The following YWHAG variants were observed in gnomAD, a reference collection of about 807,000 sequenced individuals.
YWHAG encodes 14-3-3 protein gamma.
Under a neutral mutation model 23.3 loss-of-function variants are expected in YWHAG, and 1 was observed. The ratio of observed to expected loss-of-function variants is 0.04; its 90% CI spans 0.02 to 0.20. The LOEUF is 0.20. YWHAG is among the 10% of genes least tolerant of loss of function. The pLI is 1.00. For missense variants in YWHAG, 151 were observed against 338.6 expected, an observed-to-expected ratio of 0.45 and a Z score of 4.35; for synonymous variants, 160 against 144.0, an observed-to-expected ratio of 1.11 and a Z score of -0.80.
Position 76,327,475 on chromosome 7 carries a change from T to G in YWHAG, c.*2102A>C, listed in dbSNP as rs1803461860. 1 of 152,590 alleles carries G rather than the reference T, an allele frequency of 6.6e-6. No homozygotes were observed. The allele number at this position is 152,590 out of a possible 1,614,324, so 9.5% of individuals were successfully genotyped here. A position where few individuals can be genotyped will look rare whatever the true frequency, so the allele number is the denominator to read the frequency against. On this transcript the variant is annotated 3_prime_UTR_variant, in exon 2 of 2. Coordinates refer to ENST00000307630, the MANE Select transcript of YWHAG (RefSeq NM_012479.4). Reference sequence around the variant, plus strand: ...AGCTGCTTAAATATCAAGTCTCCCATTCCCTCTCCGTTTTCAGCCCTCAGG... The same window carrying G: ...AGCTGCTTAAATATCAAGTCTCCCAGTCCCTCTCCGTTTTCAGCCCTCAGG...
chr7:76,336,912 G>A (rs1487877067), intron 1 of YWHAG, among the ~76,000 whole-genome samples: 2 of 152,288 alleles, frequency 1.3e-5, no homozygotes, highest in African/African-American at 2.4e-5. Flanking sequence ...GAAACAGAAA[G>A]AATGAGATGA....
chr7:76,344,130 A>G (rs967036589), intron 1 of YWHAG, among the ~76,000 whole-genome samples: 3 of 151,636 alleles, frequency 2.0e-5, no homozygotes, highest in African/African-American at 7.3e-5. Context: ...TTTTTTTTTG[A>G]GACAGAGTCT....
In YWHAG at chr7:76,340,149, C is replaced by T. The variant is rs148050663; in HGVS notation, c.88-9916G>A. ...ACAAAAAACAAACAAAAAGGTTACA[C>T]ATGGGATTTGATTGTGCCCCTAACT... On this transcript the variant is annotated intron_variant, in intron 1 of 1. Transcript: ENST00000307630. Among the ~76,000 whole-genome samples the T allele has an allele frequency of 8.5e-5, 13 of 152,270 alleles. No homozygotes were observed. In the South Asian group the frequency reaches 1.9e-3, roughly 22 times the overall value.
chr7:76,327,668 G>GGC lies in YWHAG; in HGVS notation c.*1908_*1909insGC, dbSNP rs1803465694. On this transcript the variant is annotated 3_prime_UTR_variant, in exon 2 of 2. Transcript: ENST00000307630. The stretch of plus-strand genomic sequence containing the variant: ...AATTAGGGAAAGCCCCACCTACCCT[G>GGC]CCCCCCCCCCCCTCCCCCCCCAAAT... 1 of 47,086 alleles carries GGC rather than the reference G, an allele frequency of 2.1e-5. No individual in the cohort carries two copies. Among genetic ancestry groups the GGC allele is most frequent in the Non-Finnish European group, 3.7e-5 (1 of 27,254 alleles). The allele number at this position is 47,086 out of a possible 1,614,324, so 2.9% of individuals were successfully genotyped here.
intron 1 of YWHAG, among the ~76,000 whole-genome samples, chr7:76,349,792 G>A (rs150804532): frequency 0.027 from 4,120 of 152,212 alleles, 199 homozygotes; most frequent in African/African-American, 0.093. Flanking sequence ...TCAGGAGTTC[G>A]AGATCAGCCT....
At chr7:76,338,895 G>T (rs1312272090) in intron 1 of YWHAG, among the ~76,000 whole-genome samples, 1 of 152,162 alleles carries the variant, frequency 6.6e-6, no homozygotes, top group East Asian at 1.9e-4. Flanking sequence ...GCATTCACAC[G>T]ACATTTCTAG....
intron 1 of YWHAG, among the ~76,000 whole-genome samples, chr7:76,352,088 G>A (rs1006521251): frequency 1.3e-5 from 2 of 152,184 alleles, no homozygotes; most frequent in Non-Finnish European, 2.9e-5. Context: ...ACTGCTTCAT[G>A]TTAGATTGCT....
chr7:76,357,817 G>C (rs922829470), intron 1 of YWHAG, among the ~76,000 whole-genome samples: 2 of 152,130 alleles, frequency 1.3e-5, no homozygotes, highest in Admixed American at 1.3e-4. Flanking sequence ...GGCTTTGTTT[G>C]CACTATCAGA....
chr7:76,345,703 G>A (rs888353481), intron 1 of YWHAG, among the ~76,000 whole-genome samples: 1 of 151,930 alleles, frequency 6.6e-6, no homozygotes, highest in Non-Finnish European at 1.5e-5. Context: ...AGCACTTTGG[G>A]AGGCCGAAGT....
chr7:76,345,262 T>C (rs963987175), intron 1 of YWHAG, among the ~76,000 whole-genome samples: 2 of 149,856 alleles, frequency 1.3e-5, no homozygotes, highest in Non-Finnish European at 3.0e-5. Context: ...CTTGGCTCAC[T>C]GCAAGCTCTG....
chr7:76,352,875 T>C (rs1803896219), intron 1 of YWHAG, among the ~76,000 whole-genome samples: 1 of 152,182 alleles, frequency 6.6e-6, no homozygotes, highest in East Asian at 1.9e-4. Context: ...GGTCTTGAAC[T>C]CCTGACCTCA....
chr7:76,357,773 T>C (rs1016405183), intron 1 of YWHAG, among the ~76,000 whole-genome samples: 4 of 152,218 alleles, frequency 2.6e-5, no homozygotes, highest in Admixed American at 6.5e-5. Flanking sequence ...AAATGCAGAA[T>C]CTTCTGGAAT....
At chr7:76,336,442 A>G (rs901397966) in intron 1 of YWHAG, among the ~76,000 whole-genome samples, 1 of 147,838 alleles carries the variant, frequency 6.8e-6, no homozygotes, top group Admixed American at 6.8e-5. Context: ...CTGCTCTAAG[A>G]AAGTCTGGCT....
At chr7:76,343,944 A>G (rs1276819783) in intron 1 of YWHAG, among the ~76,000 whole-genome samples, 3 of 152,192 alleles carry the variant, frequency 2.0e-5, no homozygotes, top group Non-Finnish European at 4.4e-5. Context: ...CACAGCTCCA[A>G]ACTAAACTGA....
intron 1 of YWHAG, among the ~76,000 whole-genome samples, chr7:76,352,473 C>T (rs2115651027): frequency 6.6e-6 from 1 of 152,266 alleles, no homozygotes; most frequent in South Asian, 2.1e-4. Flanking sequence ...CACCCCTGCT[C>T]AGAGGAAAGC....
rs377253053 is a variant in YWHAG, at chr7:76,356,163, G to A, written c.87+2559C>T. 5.4e-4 allele frequency among the ~76,000 whole-genome samples: 82 copies of A among 152,268 alleles called. 1 individual carries two copies. In the South Asian group the frequency reaches 0.016, roughly 30 times the overall value. ...AGAGCTCACTTGAGTGGTAAGATTG[G>A]TTTCTTTCTCTGCAGTTTCCAAATT... On this transcript the variant is annotated intron_variant, in intron 1 of 1. Coordinates refer to ENST00000307630, the MANE Select transcript of YWHAG (RefSeq NM_012479.4).
intron 1 of YWHAG, 110 bp from the exon 2 acceptor site, chr7:76,330,343 G>A: frequency 8.4e-7 from 1 of 1,190,578 alleles, no homozygotes. Context: ...ATGAACAGAA[G>A]GAAATTACTT....
chr7:76,332,423 C>T (rs914065208), intron 1 of YWHAG, among the ~76,000 whole-genome samples: 2 of 152,144 alleles, frequency 1.3e-5, no homozygotes, highest in South Asian at 2.1e-4. Context: ...GGGGACAAGC[C>T]GCTTCATTTC....
At chr7:76,351,776 C>A (rs905294639) in intron 1 of YWHAG, among the ~76,000 whole-genome samples, 1 of 152,190 alleles carries the variant, frequency 6.6e-6, no homozygotes, top group African/African-American at 2.4e-5. Flanking sequence ...TCCCACTGAT[C>A]CTACATTACG....
Sources: allele counts gnomAD v4.1 joint callset (sites outside exome capture counted in the v4.1 genomes callset), GRCh38; gene constraint gnomAD v4.1.1; transcripts MANE v1.5; gene names NCBI Gene and HGNC (gene_info 2026-07-23, HGNC 2026-07-21).